NELL1: variants seen among roughly 807,000 people sequenced by gnomAD.
NELL1 encodes the protein protein kinase C-binding protein NELL1.
A neutral mutation model predicts 107.4 loss-of-function variants in NELL1; 76 were observed. The observed-to-expected ratio is 0.71, with a 90% CI of 0.59 to 0.86. NELL1 has a LOEUF of 0.86. Ranked by LOEUF, NELL1 falls within the 40% of genes least tolerant of loss-of-function variation. The pLI, the probability that NELL1 is intolerant of heterozygous loss-of-function variation, is 0.00. For synonymous variants in NELL1, 353 were observed against 341.2 expected (o/e 1.03, Z -0.38); for missense variants, 1,024 against 1,005.5 (o/e 1.02, Z -0.25).
intron 14 of NELL1, among the ~76,000 whole-genome samples, chr11:21,358,651 G>A (rs1430633433): frequency 1.4e-5 from 2 of 144,592 alleles, no homozygotes; most frequent in Admixed American, 7.4e-5. Context: ...TCCTGACCTC[G>A]GGTGATCCGC....
chr11:20,924,470 A>C (rs768592635), intron 7 of NELL1, among the ~76,000 whole-genome samples: 2 of 152,182 alleles, frequency 1.3e-5, no homozygotes, highest in Non-Finnish European at 2.9e-5. Flanking sequence ...ATTATATTAA[A>C]ACTGACATTT....
chr11:21,195,409 C>A (rs1857131119), intron 13 of NELL1, among the ~76,000 whole-genome samples: 1 of 152,084 alleles, frequency 6.6e-6, no homozygotes, highest in Non-Finnish European at 1.5e-5. Context: ...AGATAAACCC[C>A]ATTTTCCACC....
chr11:20,860,485 C>T (rs1473864783), intron 4 of NELL1, among the ~76,000 whole-genome samples: 2 of 152,134 alleles, frequency 1.3e-5, no homozygotes, highest in African/African-American at 2.4e-5. Flanking sequence ...TATTTCTTTG[C>T]CTCAGTCTCC....
At chr11:20,709,756 G>A (rs138004354) in intron 2 of NELL1, among the ~76,000 whole-genome samples, 247 of 151,912 alleles carry the variant, frequency 1.6e-3, no homozygotes, top group African/African-American at 5.5e-3. Context: ...GATTTTTCAC[G>A]TCCTTGGTTA....
At chr11:21,301,098 T>C (rs183997532) in intron 14 of NELL1, among the ~76,000 whole-genome samples, 1 of 152,176 alleles carries the variant, frequency 6.6e-6, no homozygotes, top group African/African-American at 2.4e-5. Flanking sequence ...GACTGCATAT[T>C]ATTCCATGGT....
chr11:21,430,065 T>C (rs1463318259), intron 15 of NELL1, among the ~76,000 whole-genome samples: 2 of 152,208 alleles, frequency 1.3e-5, no homozygotes, highest in African/African-American at 4.8e-5. Flanking sequence ...TCCACAGATA[T>C]TAGTCTTCCT....
intron 10 of NELL1, among the ~76,000 whole-genome samples, chr11:20,942,155 A>G (rs1850868517): frequency 6.6e-6 from 1 of 152,224 alleles, no homozygotes; most frequent in African/African-American, 2.4e-5. Context: ...GAAGAGCTTG[A>G]ATTTTGTTCT....
chr11:20,846,514 T>G (rs1166507945), intron 3 of NELL1, among the ~76,000 whole-genome samples: 1 of 152,116 alleles, frequency 6.6e-6, no homozygotes, highest in Non-Finnish European at 1.5e-5. Flanking sequence ...GAGTTGACCA[T>G]ATGAATGAGT....
At chr11:20,865,338 A>C (rs1849075332) in intron 4 of NELL1, among the ~76,000 whole-genome samples, 1 of 152,230 alleles carries the variant, frequency 6.6e-6, no homozygotes, top group Admixed American at 6.5e-5. Context: ...CACTAGGATT[A>C]ACCAAAATGT....
chr11:21,217,801 G>A (rs1268929557), intron 13 of NELL1, among the ~76,000 whole-genome samples: 2 of 152,154 alleles, frequency 1.3e-5, no homozygotes, highest in Non-Finnish European at 2.9e-5. Flanking sequence ...TGGGGCATTT[G>A]TAGCCACAGT....
chr11:21,248,713 C>T (rs1194456217), intron 14 of NELL1, among the ~76,000 whole-genome samples: 1 of 152,170 alleles, frequency 6.6e-6, no homozygotes, highest in Non-Finnish European at 1.5e-5. Context: ...CTGGGACCCA[C>T]CCGTGCTCGC....
At chr11:21,315,692 CT>C (rs1381729106) in intron 14 of NELL1, among the ~76,000 whole-genome samples, 3 of 152,118 alleles carry the variant, frequency 2.0e-5, no homozygotes, top group Non-Finnish European at 4.4e-5. Context: ...TATTTAGAAC[CT>C]TGTGATTGTT....
At chr11:20,943,109 T>G (rs1850890403) in intron 10 of NELL1, among the ~76,000 whole-genome samples, 1 of 152,054 alleles carries the variant, frequency 6.6e-6, no homozygotes, top group South Asian at 2.1e-4. Context: ...GATTATTCTC[T>G]TGCACAGGTA....
At chr11:21,370,796 C>A in intron 14 of NELL1, 57 bp from the exon 15 acceptor site, 1 of 1,358,490 alleles carries the variant, frequency 7.4e-7, no homozygotes, top group Non-Finnish European at 1.0e-6. Context: ...CTGCTGTTTA[C>A]CGTGAATTTA....
chr11:21,344,224 A>G (rs975504064), intron 14 of NELL1, among the ~76,000 whole-genome samples: 5 of 152,198 alleles, frequency 3.3e-5, no homozygotes, highest in Non-Finnish European at 7.3e-5. Context: ...CTGTGTAACT[A>G]AGTACAGTAA....
chr11:21,471,338 G>A (rs1854175474), intron 15 of NELL1, among the ~76,000 whole-genome samples: 1 of 152,004 alleles, frequency 6.6e-6, no homozygotes, highest in Non-Finnish European at 1.5e-5. Context: ...TATTAGGCTT[G>A]CCACATTTTC....
chr11:21,451,197 AAAAAAGAAAAAAAAAAG>A (rs1427608789), intron 15 of NELL1, among the ~76,000 whole-genome samples: 4 of 139,638 alleles, frequency 2.9e-5, no homozygotes, highest in African/African-American at 8.7e-5. Flanking sequence ...AAAAAAAAAA[AAAAAAGAAAAAAAAAAG>A]AAAAAAGAAA....
Position 20,939,345 on chromosome 11 carries a change from C to T in NELL1, c.1071+1486C>T, listed in dbSNP as rs531607638. Reference sequence around the variant, plus strand: ...AATGATATTGGGGGACTCACAGAATCCTCAGAAGGCCAGACCAGGCTTGAT... The same window carrying T: ...AATGATATTGGGGGACTCACAGAATTCTCAGAAGGCCAGACCAGGCTTGAT... On this transcript the variant is annotated intron_variant, in intron 10 of 19. Transcript: ENST00000357134. 2.4e-4 allele frequency among the ~76,000 whole-genome samples: 37 copies of T among 151,684 alleles called. No individual in the cohort carries two copies. In the South Asian group the frequency reaches 6.1e-3, roughly 25 times the overall value.
chr11:20,688,584 G>A (rs1854368352), intron 2 of NELL1, among the ~76,000 whole-genome samples: 2 of 152,104 alleles, frequency 1.3e-5, no homozygotes, highest in Admixed American at 1.3e-4. Flanking sequence ...ATGGCTGTGT[G>A]ATATTCCTTG....
Sources: allele counts gnomAD v4.1 joint callset (sites outside exome capture counted in the v4.1 genomes callset), GRCh38; gene constraint gnomAD v4.1.1; transcripts MANE v1.5; gene names NCBI Gene and HGNC (gene_info 2026-07-23, HGNC 2026-07-21).